The following PBX1 variants were observed in gnomAD, a reference collection of about 807,000 sequenced individuals.
The protein encoded by PBX1 is pre-B-cell leukemia transcription factor 1.
In PBX1, 6 loss-of-function variants were observed where a neutral mutation model predicts 53.4. That is an observed-to-expected ratio of 0.11 (90% CI 0.06 to 0.22). The LOEUF (loss-of-function observed/expected upper bound fraction) is 0.22. Ranked by LOEUF, PBX1 falls within the 10% of genes least tolerant of loss-of-function variation. The pLI is 1.00. For synonymous variants in PBX1, 204 were observed against 212.3 expected (o/e 0.96, Z 0.34); for missense variants, 251 against 551.4 (o/e 0.46, Z 5.46).
chr1:164,803,865 G>C (rs189572270), intron 4 of PBX1, among the ~76,000 whole-genome samples: 1 of 152,160 alleles, frequency 6.6e-6, no homozygotes, highest in Non-Finnish European at 1.5e-5. Context: ...TATGACGCTG[G>C]ATAAGTGGCT....
At chr1:164,730,519 C>CGAG (rs944250208) in intron 2 of PBX1, among the ~76,000 whole-genome samples, 1 of 152,194 alleles carries the variant, frequency 6.6e-6, no homozygotes, top group Non-Finnish European at 1.5e-5. Flanking sequence ...CCCTCCTCTA[C>CGAG]CCTTTCGTCA....
At chr1:164,867,294 C>G (rs934737160) in intron 2 of PBX1, among the ~76,000 whole-genome samples, 2 of 152,174 alleles carry the variant, frequency 1.3e-5, no homozygotes, top group Non-Finnish European at 2.9e-5. Context: ...CGACACACGG[C>G]AGTTGTTCCA....
intron 2 of PBX1, among the ~76,000 whole-genome samples, chr1:164,690,440 G>C (rs1210880522): frequency 6.6e-6 from 1 of 152,162 alleles, no homozygotes; most frequent in Non-Finnish European, 1.5e-5. Context: ...GGCTGCATGT[G>C]ATTAGTCAGT....
intron 2 of PBX1, chr1:164,657,068 A>G (rs991495917): frequency 6.6e-5 from 10 of 152,246 alleles, no homozygotes; most frequent in Non-Finnish European, 1.3e-4. Flanking sequence ...GCTGTTTGAT[A>G]AAGCAAAACA....
intron 2 of PBX1, chr1:164,682,026 T>C (rs1218904079): frequency 2.0e-5 from 3 of 152,246 alleles, no homozygotes; most frequent in Admixed American, 1.3e-4. Flanking sequence ...AGTATTTCTG[T>C]AGTGTATGCT....
chr1:164,588,507 G>A (rs188990507), intron 2 of PBX1, among the ~76,000 whole-genome samples: 1 of 83,222 alleles, frequency 1.2e-5, no homozygotes, highest in East Asian at 4.5e-4. Flanking sequence ...TTTTAGTTTC[G>A]AAGCATATGG....
intron 2 of PBX1, among the ~76,000 whole-genome samples, chr1:164,878,641 C>T (rs567088714): frequency 6.6e-6 from 1 of 151,962 alleles, no homozygotes; most frequent in East Asian, 1.9e-4. Context: ...ATGACATCAC[C>T]CACTAGCCCT....
intron 2 of PBX1, among the ~76,000 whole-genome samples, chr1:164,716,074 G>T (rs2102089132): frequency 6.6e-6 from 1 of 152,258 alleles, no homozygotes; most frequent in South Asian, 2.1e-4. Flanking sequence ...CACGTGACTG[G>T]CATATTTGGG....
intron 2 of PBX1, among the ~76,000 whole-genome samples, chr1:164,730,398 T>C (rs750176359): frequency 3.3e-5 from 5 of 152,172 alleles, no homozygotes; most frequent in Non-Finnish European, 7.3e-5. Flanking sequence ...GTAGGAGATA[T>C]GGGTCTTTGG....
chr1:164,648,901 A>G (rs1032290211), intron 2 of PBX1, among the ~76,000 whole-genome samples: 4 of 152,190 alleles, frequency 2.6e-5, no homozygotes, highest in Non-Finnish European at 4.4e-5. Flanking sequence ...AAGAAAGAAA[A>G]TTGTGGGAGG....
At chr1:164,862,035 A>G (rs2102443438) in intron 2 of PBX1, among the ~76,000 whole-genome samples, 1 of 152,274 alleles carries the variant, frequency 6.6e-6, no homozygotes, top group East Asian at 1.9e-4. Flanking sequence ...GAGGCCTTGG[A>G]ATGTTTGGGA....
chr1:164,737,586 C>T (rs753972192), intron 2 of PBX1, among the ~76,000 whole-genome samples: 9 of 151,576 alleles, frequency 5.9e-5, no homozygotes, highest in Non-Finnish European at 8.8e-5. Flanking sequence ...TCAAGAGATT[C>T]GCCTGCCTCA....
At chr1:164,560,072 G>A in intron 1 of PBX1, 59 bp downstream of exon 1, 1 of 1,216,794 alleles carries the variant, frequency 8.2e-7, no homozygotes, top group Non-Finnish European at 1.1e-6. Flanking sequence ...TCCTCTTGCA[G>A]GGGGAAACAA....
chr1:164,679,996 T>A (rs937698355), intron 2 of PBX1: 2 of 152,128 alleles, frequency 1.3e-5, no homozygotes, highest in Non-Finnish European at 2.9e-5. Context: ...GTTGGAAATA[T>A]CAGTCACGTG....
At chr1:164,565,550 G>A (rs1260928202) in intron 2 of PBX1, among the ~76,000 whole-genome samples, 1 of 151,912 alleles carries the variant, frequency 6.6e-6, no homozygotes, top group Non-Finnish European at 1.5e-5. Context: ...AGGATTGAAG[G>A]GAAGGCAAAA....
chr1:164,616,830 G>C (rs1557893498), intron 2 of PBX1, among the ~76,000 whole-genome samples: 2 of 152,136 alleles, frequency 1.3e-5, no homozygotes, highest in Non-Finnish European at 2.9e-5. Context: ...CATTGACATA[G>C]ATCATTTCAC....
At chr1:164,863,555 A>G (rs144963765) in intron 2 of PBX1, among the ~76,000 whole-genome samples, 1 of 152,244 alleles carries the variant, frequency 6.6e-6, no homozygotes, top group Admixed American at 6.5e-5. Context: ...GATATGTAAT[A>G]TGAAAAAAGA....
At chr1:164,745,188 T>C (rs1665828565) in intron 2 of PBX1, among the ~76,000 whole-genome samples, 1 of 152,104 alleles carries the variant, frequency 6.6e-6, no homozygotes, top group African/African-American at 2.4e-5. Context: ...GTTTAGACTA[T>C]ATAGTGAAAA....
chr1:164,626,150 T>A, intron 2 of PBX1: 1 of 882,452 alleles, frequency 1.1e-6, no homozygotes, highest in Non-Finnish European at 1.4e-6. Flanking sequence ...GAGATGCATA[T>A]ACCATGCCTT....
Sources: allele counts gnomAD v4.1 joint callset (sites outside exome capture counted in the v4.1 genomes callset), GRCh38; gene constraint gnomAD v4.1.1; transcripts MANE v1.5; gene names NCBI Gene and HGNC (gene_info 2026-07-23, HGNC 2026-07-21).